Variants in VPS13B observed in about 807,000 individuals in gnomAD.
The protein encoded by VPS13B is intermembrane lipid transfer protein VPS13B.
In VPS13B, 285 loss-of-function variants were observed where a neutral mutation model predicts 426.4. That is an observed-to-expected ratio of 0.67 (90% CI 0.61 to 0.74). The LOEUF (loss-of-function observed/expected upper bound fraction) is 0.74. VPS13B is among the 30% of genes least tolerant of loss of function. The probability of loss-of-function intolerance (pLI) is 0.00; values close to 1 mark genes in which losing one functional copy is unlikely to be tolerated. For missense variants in VPS13B, 4,537 were observed against 4,782.6 expected, an observed-to-expected ratio of 0.95 and a Z score of 1.51; for synonymous variants, 1,676 against 1,676.4, an observed-to-expected ratio of 1.00 and a Z score of 0.01.
At chr8:99,582,905 T>G (rs1427525792) in intron 33 of VPS13B, among the ~76,000 whole-genome samples, 1 of 152,222 alleles carries the variant, frequency 6.6e-6, no homozygotes, top group African/African-American at 2.4e-5. Flanking sequence ...TCCGCCTGCC[T>G]TGGCCTCCCA....
chr8:99,776,999 T>TA, intron 41 of VPS13B, 43 bp downstream of exon 41: 2 of 1,572,506 alleles, frequency 1.3e-6, no homozygotes, highest in Non-Finnish European at 1.8e-6. Context: ...ATTTAATACT[T>TA]ACCATTTTCT....
chr8:99,277,890 A>G (rs1267875413), intron 19 of VPS13B, among the ~76,000 whole-genome samples: 1 of 152,214 alleles, frequency 6.6e-6, no homozygotes, highest in Admixed American at 6.5e-5. Context: ...TTGAATGAAT[A>G]AGCAAGTAAC....
intron 39 of VPS13B, among the ~76,000 whole-genome samples, chr8:99,746,799 G>T (rs77767428): frequency 0.014 from 2,101 of 152,164 alleles, 50 homozygotes; most frequent in African/African-American, 0.047. Context: ...AACATCTGTA[G>T]CATTTGTACT....
intron 3 of VPS13B, among the ~76,000 whole-genome samples, chr8:99,086,222 C>G (rs569231007): frequency 2.0e-5 from 3 of 152,182 alleles, no homozygotes; most frequent in Non-Finnish European, 4.4e-5. Context: ...TCTCCCATCA[C>G]TGATACCCTT....
At position 99,355,792 on chromosome 8, in the gene VPS13B, C is replaced by T. The variant is rs545462195; in HGVS notation, c.2825-28416C>T. Among the ~76,000 whole-genome samples, 4 of 152,186 alleles carry T rather than the reference C, an allele frequency of 2.6e-5. No homozygotes were observed. The South Asian group carries it at 8.3e-4, about 32-fold the overall frequency. ...TATCAGTTTCATAGGCATTTGTGAC[C>T]ACTCAATATTAATATGTCATCCAGT... On this transcript the variant is annotated intron_variant, in intron 19 of 61. Transcript: ENST00000357162.
At chr8:99,477,018 A>G (rs1819730532) in intron 24 of VPS13B, among the ~76,000 whole-genome samples, 3 of 152,108 alleles carry the variant, frequency 2.0e-5, no homozygotes, top group Non-Finnish European at 2.9e-5. Context: ...AATTCATATC[A>G]TTTAGCCAGT....
chr8:99,160,800 A>G (rs1811610252), intron 15 of VPS13B, among the ~76,000 whole-genome samples: 1 of 152,230 alleles, frequency 6.6e-6, no homozygotes, highest in South Asian at 2.1e-4. Context: ...CTGTAACGCA[A>G]AAATAAACCA....
At chr8:99,786,694 A>G (rs1364317207) in intron 43 of VPS13B, among the ~76,000 whole-genome samples, 4 of 152,196 alleles carry the variant, frequency 2.6e-5, no homozygotes, top group Non-Finnish European at 5.9e-5. Flanking sequence ...TGTGGATGCA[A>G]CTTTTAAAAT....
chr8:99,304,662 A>G (rs1383259836), intron 19 of VPS13B, among the ~76,000 whole-genome samples: 1 of 152,154 alleles, frequency 6.6e-6, no homozygotes, highest in Non-Finnish European at 1.5e-5. Context: ...ATTTTACTCC[A>G]AGCCTACACC....
At chr8:99,544,393 G>A (rs1823829429) in intron 30 of VPS13B, among the ~76,000 whole-genome samples, 1 of 152,048 alleles carries the variant, frequency 6.6e-6, no homozygotes, top group African/African-American at 2.4e-5. Flanking sequence ...CAGCGCACCA[G>A]CATGGCACAT....
At chr8:99,348,994 A>G (rs1310247945) in intron 19 of VPS13B, among the ~76,000 whole-genome samples, 1 of 152,078 alleles carries the variant, frequency 6.6e-6, no homozygotes, top group East Asian at 1.9e-4. Context: ...CTGACTCACT[A>G]AAAGAATAGA....
intron 34 of VPS13B, among the ~76,000 whole-genome samples, chr8:99,646,317 C>G (rs117929224): frequency 0.034 from 5,130 of 152,200 alleles, 128 homozygotes; most frequent in Non-Finnish European, 0.049. Context: ...GAGTCCAAGA[C>G]TAGCCTAGAC....
chr8:99,535,609 T>A (rs1295868019), intron 30 of VPS13B, among the ~76,000 whole-genome samples: 1 of 152,212 alleles, frequency 6.6e-6, no homozygotes, highest in African/African-American at 2.4e-5. Flanking sequence ...TTTTACTTTT[T>A]TCATTTTTTA....
At chr8:99,130,233 GAATT>G (rs1311869924) in intron 8 of VPS13B, among the ~76,000 whole-genome samples, 2 of 152,056 alleles carry the variant, frequency 1.3e-5, no homozygotes, top group Non-Finnish European at 2.9e-5. Flanking sequence ...AGAATGTTTG[GAATT>G]AATTTCTGGT....
chr8:99,100,902 G>T (rs1001857943), intron 4 of VPS13B, among the ~76,000 whole-genome samples: 68 of 152,004 alleles, frequency 4.5e-4, no homozygotes, highest in East Asian at 7.9e-4. Context: ...AAATTAGCCT[G>T]ACGTGGTGGC....
chr8:99,421,749 C>G (rs1184837042), intron 21 of VPS13B, among the ~76,000 whole-genome samples: 3 of 152,094 alleles, frequency 2.0e-5, no homozygotes, highest in African/African-American at 7.2e-5. Flanking sequence ...ATTAACTCAG[C>G]TTACTGCAAC....
chr8:99,676,919 C>CA (rs1399534992), intron 35 of VPS13B, among the ~76,000 whole-genome samples: 1 of 152,118 alleles, frequency 6.6e-6, no homozygotes, highest in Non-Finnish European at 1.5e-5. Context: ...CACCTGAGGT[C>CA]AGGAGTTCAA....
chr8:99,517,125 A>T (rs1399357435), intron 29 of VPS13B, among the ~76,000 whole-genome samples: 2 of 152,246 alleles, frequency 1.3e-5, no homozygotes, highest in Non-Finnish European at 2.9e-5. Context: ...AACATTAAAC[A>T]GTGGCAACTT....
chr8:99,143,228 A>G, intron 13 of VPS13B, 63 bp downstream of exon 13: 5 of 1,603,002 alleles, frequency 3.1e-6, no homozygotes, highest in South Asian at 1.1e-5. Context: ...ATATAATCCA[A>G]TTTGTGTTGT....
Sources: allele counts gnomAD v4.1 joint callset (sites outside exome capture counted in the v4.1 genomes callset), GRCh38; gene constraint gnomAD v4.1.1; transcripts MANE v1.5; gene names NCBI Gene and HGNC (gene_info 2026-07-23, HGNC 2026-07-21).